RARB: variants seen among roughly 807,000 people sequenced by gnomAD.
RARB encodes the protein HBV-activated protein.
Under a neutral mutation model 51.9 loss-of-function variants are expected in RARB, and 17 were observed. That is an observed-to-expected ratio of 0.33 (90% CI 0.22 to 0.49). RARB has a LOEUF of 0.49. Ranked by LOEUF, RARB falls within the 20% of genes least tolerant of loss-of-function variation. The pLI is 0.99. For synonymous variants in RARB, 215 were observed against 195.4 expected (o/e 1.10, Z -0.84); for missense variants, 369 against 550.8 (o/e 0.67, Z 3.30).
chr3:25,380,985 T>A (rs1706608619), intron 5 of RARB, among the ~76,000 whole-genome samples: 1 of 152,212 alleles, frequency 6.6e-6, no homozygotes. Context: ...ATTTTTACCG[T>A]TCTTCCTATT....
chr3:25,034,696 G>A (rs1301074844), intron 2 of RARB, among the ~76,000 whole-genome samples: 1 of 151,982 alleles, frequency 6.6e-6, no homozygotes, highest in East Asian at 1.9e-4. Context: ...CTTTGACTTA[G>A]CCAAACATCA....
intron 3 of RARB, among the ~76,000 whole-genome samples, chr3:25,088,187 G>T (rs963340239): frequency 6.6e-6 from 1 of 152,036 alleles, no homozygotes; most frequent in Non-Finnish European, 1.5e-5. Flanking sequence ...TGAAGGAAGA[G>T]CTTCATTTGG....
chr3:25,147,266 C>T (rs1700208604), intron 4 of RARB, among the ~76,000 whole-genome samples: 2 of 152,070 alleles, frequency 1.3e-5, no homozygotes, highest in African/African-American at 4.8e-5. Context: ...TCTTCCCCAT[C>T]CTCTCCTTGA....
chr3:24,885,597 A>G (rs1042901678), intron 2 of RARB, among the ~76,000 whole-genome samples: 1 of 152,154 alleles, frequency 6.6e-6, no homozygotes, highest in African/African-American at 2.4e-5. Flanking sequence ...ATGAACCTAC[A>G]TTTTTATGAA....
At chr3:25,415,920 G>C (rs969568670) in intron 5 of RARB, among the ~76,000 whole-genome samples, 2 of 152,166 alleles carry the variant, frequency 1.3e-5, no homozygotes, top group African/African-American at 4.8e-5. Context: ...TTTTATGATA[G>C]ACATACAGTA....
At chr3:24,894,228 A>G (rs1227060251) in intron 2 of RARB, among the ~76,000 whole-genome samples, 2 of 151,886 alleles carry the variant, frequency 1.3e-5, no homozygotes, top group Non-Finnish European at 2.9e-5. Context: ...GGTAGTGAGC[A>G]TAGTACCTGA....
In RARB at chr3:24,832,957, C is replaced by T. The variant is rs368673217; in HGVS notation, c.-459+3554C>T. Reference sequence around the variant, plus strand: ...TTTAAAACAAACTCTGGATCCCATACTTCTCAGCATCCCTTACCTCATTTC... The same window carrying T: ...TTTAAAACAAACTCTGGATCCCATATTTCTCAGCATCCCTTACCTCATTTC... On this transcript the variant is annotated intron_variant, in intron 1 of 11. Transcript: ENST00000383772. 10 of 152,252 alleles carry T rather than the reference C, an allele frequency of 6.6e-5. No individual in the cohort carries two copies. The East Asian group carries it at 1.9e-3, about 30-fold the overall frequency. The allele number at this position is 152,252 out of a possible 1,614,324, so 9.4% of individuals were successfully genotyped here. A position where few individuals can be genotyped will look rare whatever the true frequency, so the allele number is the denominator to read the frequency against.
chr3:25,004,794 G>A (rs1008465272), intron 2 of RARB, among the ~76,000 whole-genome samples: 12 of 152,036 alleles, frequency 7.9e-5, no homozygotes, highest in African/African-American at 2.7e-4. Context: ...CAGTTTCATG[G>A]CATTTATTAG....
chr3:25,589,797 G>C (rs968976944), intron 5 of RARB, among the ~76,000 whole-genome samples: 3 of 152,246 alleles, frequency 2.0e-5, no homozygotes, highest in Admixed American at 6.5e-5. Context: ...GCTTTGGTTG[G>C]TGAGACAGCC....
intron 5 of RARB, among the ~76,000 whole-genome samples, chr3:25,403,569 G>A (rs73820471): frequency 0.034 from 5,117 of 152,204 alleles, 316 homozygotes; most frequent in African/African-American, 0.12. Context: ...AGCCTAGGCA[G>A]TTCAGGCTAA....
intron 3 of RARB, among the ~76,000 whole-genome samples, chr3:25,081,852 C>T (rs1188099185): frequency 2.6e-5 from 4 of 150,964 alleles, no homozygotes; most frequent in Non-Finnish European, 5.9e-5. Flanking sequence ...AGGCTGGTCT[C>T]GAACTCCTGA....
intron 5 of RARB, among the ~76,000 whole-genome samples, chr3:25,366,882 T>A (rs1370765567): frequency 6.6e-6 from 1 of 152,120 alleles, no homozygotes; most frequent in Non-Finnish European, 1.5e-5. Flanking sequence ...ACTTGCAGAG[T>A]GGTGAACATA....
intron 3 of RARB, among the ~76,000 whole-genome samples, chr3:25,520,137 C>G (rs1376669145): frequency 6.6e-6 from 1 of 152,184 alleles, no homozygotes; most frequent in Non-Finnish European, 1.5e-5. Context: ...AGAGGCCATA[C>G]TGCCCACAAA....
chr3:25,593,796 AGTT>A (rs1333312375), intron 6 of RARB, 89 bp downstream of exon 6: 1 of 1,334,316 alleles, frequency 7.5e-7, no homozygotes, highest in Admixed American at 2.1e-5. Flanking sequence ...TCCCTTTTGG[AGTT>A]GTTTTACATG....
intron 5 of RARB, among the ~76,000 whole-genome samples, chr3:25,297,601 C>A (rs1703946617): frequency 6.6e-6 from 1 of 151,992 alleles, no homozygotes; most frequent in Non-Finnish European, 1.5e-5. Flanking sequence ...AAAAGCTAAT[C>A]ATGTACAGGG....
At chr3:25,058,647 G>A (rs1396622770) in intron 2 of RARB, among the ~76,000 whole-genome samples, 1 of 151,680 alleles carries the variant, frequency 6.6e-6, no homozygotes, top group Non-Finnish European at 1.5e-5. Flanking sequence ...CATGAGTGGG[G>A]TAGATGATCT....
At chr3:25,364,610 G>A (rs1334496095) in intron 5 of RARB, among the ~76,000 whole-genome samples, 1 of 152,192 alleles carries the variant, frequency 6.6e-6, no homozygotes, top group Non-Finnish European at 1.5e-5. Context: ...TGGCTTGAGT[G>A]TGTGATGAAG....
chr3:25,241,494 T>TG (rs1296391907), intron 5 of RARB, among the ~76,000 whole-genome samples: 1 of 152,026 alleles, frequency 6.6e-6, no homozygotes, highest in Non-Finnish European at 1.5e-5. Flanking sequence ...CAGGCCCGGG[T>TG]GTGATGTTCC....
chr3:25,154,810 G>A (rs1700348062), intron 4 of RARB, among the ~76,000 whole-genome samples: 1 of 152,180 alleles, frequency 6.6e-6, no homozygotes, highest in South Asian at 2.1e-4. Context: ...GGCTAGGTGT[G>A]CATCCTGTGT....
Sources: gnomAD v4.1 joint callset for allele counts (sites outside exome capture counted in the v4.1 genomes callset) on GRCh38, gnomAD v4.1.1 for gene constraint, MANE v1.5 for transcripts, NCBI Gene and HGNC (gene_info 2026-07-23, HGNC 2026-07-21) for gene names.